The following CTNNA2 variants were observed in gnomAD, a reference collection of about 807,000 sequenced individuals.
CTNNA2 encodes catenin alpha-2.
CTNNA2 carries 42 observed loss-of-function variants against 101.0 expected under a neutral mutation model. That is an observed-to-expected ratio of 0.42 (90% CI 0.32 to 0.54). CTNNA2 has a LOEUF of 0.54. CTNNA2 is among the 20% of genes least tolerant of loss of function. The pLI is 0.14. For synonymous variants in CTNNA2, 450 were observed against 456.4 expected, an observed-to-expected ratio of 0.99 and a Z score of 0.18; for missense variants, 871 against 1,223.1, an observed-to-expected ratio of 0.71 and a Z score of 4.29.
At chr2:80,441,778 G>T (rs1682606181) in intron 9 of CTNNA2, among the ~76,000 whole-genome samples, 1 of 152,206 alleles carries the variant, frequency 6.6e-6, no homozygotes. Flanking sequence ...CAAGAAATAA[G>T]TTGAGCCCAA....
chr2:79,832,178 G>A (rs183976563), intron 3 of CTNNA2, among the ~76,000 whole-genome samples: 7 of 152,042 alleles, frequency 4.6e-5, no homozygotes, highest in Non-Finnish European at 7.4e-5. Flanking sequence ...GGCCTGTGTC[G>A]CCTATGGCCA....
chr2:79,283,238 G>C (rs1675451225), intron 2 of CTNNA2, among the ~76,000 whole-genome samples: 1 of 107,092 alleles, frequency 9.3e-6, no homozygotes. Flanking sequence ...AGTTTCTTTT[G>C]CTGTGCAGAA....
chr2:79,396,305 C>G lies in CTNNA2; in HGVS notation c.-135+22292C>G, dbSNP rs555413896. ...TCCTGAGTAGCTGGGATTACAGGTGCCTGCCAACATGCCAGGCTAATTTTT... is the reference window on the plus strand; with the variant it reads ...TCCTGAGTAGCTGGGATTACAGGTGGCTGCCAACATGCCAGGCTAATTTTT... On this transcript the variant is annotated intron_variant, in intron 4 of 21. Transcript: ENST00000466387. Among the ~76,000 whole-genome samples, 539 of 152,052 alleles carry G rather than the reference C, an allele frequency of 3.5e-3. 4 individuals are homozygous for G. The highest frequency in any genetic ancestry group is 0.012 in the African/African-American group (502 of 41,482).
chr2:80,277,553 G>GAAAAAAA (rs10650278), intron 7 of CTNNA2, among the ~76,000 whole-genome samples: 18 of 83,810 alleles, frequency 2.1e-4, no homozygotes, highest in East Asian at 1.1e-3. Context: ...AAGGATTTCT[G>GAAAAAAA]AAAAAAAAAA....
At position 79,965,363 on chromosome 2, in the gene CTNNA2, T is replaced by G. The variant is rs117280276; in HGVS notation, c.1056+55566T>G. Among the ~76,000 whole-genome samples the G allele has an allele frequency of 9.8e-4, 150 of 152,364 alleles. 1 individual carries two copies. In the East Asian group the frequency reaches 0.024, roughly 25 times the overall value. ...ATGTGGGTCAGAATTCTCTCGTGAT[T>G]AGTTAAAATGTCTAAAACATTTTTC... On this transcript the variant is annotated intron_variant, in intron 7 of 18. Coordinates refer to ENST00000402739, the MANE Select transcript of CTNNA2 (RefSeq NM_001282597.3).
chr2:79,595,295 C>T (rs1038085101), intron 1 of CTNNA2, among the ~76,000 whole-genome samples: 20 of 152,088 alleles, frequency 1.3e-4, no homozygotes, highest in African/African-American at 4.1e-4. Context: ...CGTATGTTCC[C>T]GTGGTAATTT....
chr2:80,230,395 T>G (rs1709133320), intron 7 of CTNNA2, among the ~76,000 whole-genome samples: 3 of 151,988 alleles, frequency 2.0e-5, no homozygotes, highest in Admixed American at 2.0e-4. Context: ...TGCACTGGTC[T>G]ATATTCATTA....
At chr2:80,329,571 G>T (rs1012506402) in intron 7 of CTNNA2, among the ~76,000 whole-genome samples, 9 of 152,124 alleles carry the variant, frequency 5.9e-5, no homozygotes, top group Non-Finnish European at 1.0e-4. Context: ...AGACTGAAAC[G>T]GAAGGGCTGT....
intron 4 of CTNNA2, among the ~76,000 whole-genome samples, chr2:79,380,828 A>G (rs1331383250): frequency 2.0e-5 from 3 of 152,188 alleles, no homozygotes; most frequent in African/African-American, 7.2e-5. Context: ...TTCTTCTGCT[A>G]TAACATTGCT....
intron 12 of CTNNA2, among the ~76,000 whole-genome samples, chr2:80,556,134 T>C (rs929656815): frequency 2.6e-5 from 4 of 152,218 alleles, no homozygotes; most frequent in Non-Finnish European, 1.5e-5. Context: ...ATATAGATCA[T>C]TTGATTCTCA....
chr2:79,996,120 T>A (rs1050265860), intron 7 of CTNNA2, among the ~76,000 whole-genome samples: 1 of 152,200 alleles, frequency 6.6e-6, no homozygotes, highest in Non-Finnish European at 1.5e-5. Flanking sequence ...TGGTGGGTGA[T>A]GCAACTGTGA....
At chr2:80,301,273 C>G (rs1676284419) in intron 7 of CTNNA2, among the ~76,000 whole-genome samples, 1 of 152,202 alleles carries the variant, frequency 6.6e-6, no homozygotes, top group African/African-American at 2.4e-5. Context: ...GCACAGCTTT[C>G]AGCCCTAAAC....
intron 2 of CTNNA2, among the ~76,000 whole-genome samples, chr2:79,663,388 A>G (rs1217945775): frequency 6.6e-6 from 1 of 152,218 alleles, no homozygotes; most frequent in Non-Finnish European, 1.5e-5. Context: ...ACTCCTAACC[A>G]TGTCCTGATT....
chr2:80,096,546 A>G (rs1317466216), intron 7 of CTNNA2, among the ~76,000 whole-genome samples: 2 of 152,152 alleles, frequency 1.3e-5, no homozygotes, highest in African/African-American at 2.4e-5. Context: ...GCTGAGTTCA[A>G]TTCCTGGATA....
At chr2:80,536,520 C>T (rs1235453606) in intron 9 of CTNNA2, among the ~76,000 whole-genome samples, 1 of 152,068 alleles carries the variant, frequency 6.6e-6, no homozygotes, top group Non-Finnish European at 1.5e-5. Flanking sequence ...TGAAATGATT[C>T]AGTGTTTGGG....
chr2:80,420,953 T>G (rs1310725421), intron 9 of CTNNA2, among the ~76,000 whole-genome samples: 1 of 152,230 alleles, frequency 6.6e-6, no homozygotes, highest in Non-Finnish European at 1.5e-5. Context: ...GCAGTTTTTC[T>G]GGCTCTGTTC....
At chr2:79,494,103 ATTAAT>A (rs764030796) in intron 4 of CTNNA2, among the ~76,000 whole-genome samples, 1 of 152,178 alleles carries the variant, frequency 6.6e-6, no homozygotes, top group East Asian at 1.9e-4. Context: ...GAATTTGGGA[ATTAAT>A]TTAACAAGAC....
chr2:80,593,865 T>C (rs1446661578), intron 15 of CTNNA2, among the ~76,000 whole-genome samples: 1 of 152,184 alleles, frequency 6.6e-6, no homozygotes, highest in East Asian at 1.9e-4. Context: ...CACATTTTCT[T>C]TATCCACTCA....
At chr2:79,741,029 T>C (rs1671252745) in intron 2 of CTNNA2, among the ~76,000 whole-genome samples, 2 of 151,952 alleles carry the variant, frequency 1.3e-5, no homozygotes, top group Admixed American at 1.3e-4. Context: ...TGTGCAGTAG[T>C]GTGGAGTGGC....
Sources: gnomAD v4.1 joint callset for allele counts (sites outside exome capture counted in the v4.1 genomes callset) on GRCh38, gnomAD v4.1.1 for gene constraint, MANE v1.5 for transcripts, NCBI Gene and HGNC (gene_info 2026-07-23, HGNC 2026-07-21) for gene names.